ZBTB38: variants seen among roughly 807,000 people sequenced by gnomAD.
The protein encoded by ZBTB38 is zinc finger and BTB domain-containing protein 38.
A neutral mutation model predicts 76.8 loss-of-function variants in ZBTB38; 20 were observed. That is an observed-to-expected ratio of 0.26 (90% CI 0.18 to 0.38). The LOEUF (loss-of-function observed/expected upper bound fraction) is 0.38, where lower values mean the gene tolerates loss of function less well. Ranked by LOEUF, ZBTB38 falls within the 10% of genes least tolerant of loss-of-function variation. ZBTB38 has a pLI of 1.00. For missense variants in ZBTB38, 1,082 were observed against 1,482.3 expected (o/e 0.73, Z 4.43); for synonymous variants, 504 against 544.2 (o/e 0.93, Z 1.03).
chr3:141,393,195 C>A (rs1271253768), intron 4 of ZBTB38, among the ~76,000 whole-genome samples: 1 of 152,238 alleles, frequency 6.6e-6, no homozygotes, highest in Admixed American at 6.5e-5. Context: ...TAAAACAATC[C>A]TCTTCCTTAC....
At chr3:141,345,018 G>T (rs1943305950) in intron 1 of ZBTB38, among the ~76,000 whole-genome samples, 1 of 152,186 alleles carries the variant, frequency 6.6e-6, no homozygotes, top group African/African-American at 2.4e-5. Context: ...TTCCTGAGAG[G>T]GGAGGCAGGC....
At chr3:141,436,229 A>G (rs1228409799) in intron 5 of ZBTB38, among the ~76,000 whole-genome samples, 1 of 152,144 alleles carries the variant, frequency 6.6e-6, no homozygotes, top group Non-Finnish European at 1.5e-5. Flanking sequence ...TTTAAAGTCT[A>G]AATTTTCATC....
rs1953327037 is a variant in ZBTB38 at position 141,403,943 on chromosome 3, A to G, written c.-89A>G. 6.6e-6 allele frequency: 1 copy of G among 152,202 alleles called. No homozygotes were observed. The highest frequency in any genetic ancestry group is 2.1e-4 in the South Asian group (1 of 4,828). 9.4% of individuals were successfully genotyped at this position (152,202 alleles called of 1,614,324 possible). A position where few individuals can be genotyped will look rare whatever the true frequency, so the allele number is the denominator to read the frequency against. The stretch of plus-strand genomic sequence containing the variant: ...TCTTTTTAGATCTTGATGTGGAAGA[A>G]ATGGAGGACTCAGAACCAAGGATTT... On this transcript the variant is annotated 5_prime_UTR_variant, in exon 5 of 6. Coordinates refer to ENST00000321464, the MANE Select transcript of ZBTB38 (RefSeq NM_001376113.1).
intron 1 of ZBTB38, among the ~76,000 whole-genome samples, chr3:141,341,749 C>A (rs972345054): frequency 6.6e-6 from 1 of 152,168 alleles, no homozygotes; most frequent in African/African-American, 2.4e-5. Context: ...CAGTGAAAAC[C>A]AAGACACAGC....
At chr3:141,390,197 T>C (rs961714752) in intron 4 of ZBTB38, among the ~76,000 whole-genome samples, 7 of 152,238 alleles carry the variant, frequency 4.6e-5, no homozygotes, top group Non-Finnish European at 5.9e-5. Flanking sequence ...ACAATTATTA[T>C]TGAATTTCCA....
In ZBTB38 at chr3:141,447,993, T is replaced by C. The variant is rs2081221595; in HGVS notation, c.*2017T>C. On this transcript the variant is annotated 3_prime_UTR_variant, in exon 6 of 6. Transcript: ENST00000321464. ...CCTACACTATTCATTTGGGTTTTAT[T>C]AAAGAGATAGTCACAAAGGGCTTAC... 6.6e-6 allele frequency: 1 copy of C among 152,656 alleles called. No homozygotes were observed. Among genetic ancestry groups the C allele is most frequent in the Admixed American group, 6.5e-5 (1 of 15,278 alleles). The allele number at this position is 152,656 out of a possible 1,614,324, so 9.5% of individuals were successfully genotyped here.
At chr3:141,404,796 A>T (rs2114867) in intron 5 of ZBTB38, among the ~76,000 whole-genome samples, 38,691 of 151,992 alleles carry the variant, frequency 0.25, 8,486 homozygotes, top group African/African-American at 0.59. Flanking sequence ...ATGTATGAAG[A>T]CCCTTCTGTG....
chr3:141,406,810 A>G (rs1301470895), intron 5 of ZBTB38, among the ~76,000 whole-genome samples: 2 of 152,210 alleles, frequency 1.3e-5, no homozygotes, highest in Admixed American at 1.3e-4. Context: ...GGAGGGAGCC[A>G]GGCATGTCAG....
chr3:141,372,260 C>G (rs1164218943), intron 2 of ZBTB38, among the ~76,000 whole-genome samples: 1 of 152,190 alleles, frequency 6.6e-6, no homozygotes, highest in African/African-American at 2.4e-5. Flanking sequence ...TGCAAAAATA[C>G]TTCAGCCTCT....
intron 3 of ZBTB38, among the ~76,000 whole-genome samples, chr3:141,385,285 A>C (rs1401415687): frequency 6.6e-6 from 1 of 151,964 alleles, no homozygotes; most frequent in African/African-American, 2.4e-5. Context: ...TTATATATTC[A>C]AAATCAGTCT....
At chr3:141,337,772 G>T (rs1343302860) in intron 1 of ZBTB38, among the ~76,000 whole-genome samples, 1 of 152,152 alleles carries the variant, frequency 6.6e-6, no homozygotes, top group African/African-American at 2.4e-5. Flanking sequence ...CTTATCTCAA[G>T]TCCTCACAAC....
chr3:141,381,390 A>G (rs1348129521), intron 2 of ZBTB38, 35 bp from the exon 3 acceptor site: 1 of 152,268 alleles, frequency 6.6e-6, no homozygotes, highest in African/African-American at 2.4e-5. Context: ...CCTTTGTTAA[A>G]AAACACATGG....
Position 141,433,121 on chromosome 3 carries a change from G to T in ZBTB38, c.1-9268G>T, listed in dbSNP as rs192723130. ...AGTATGCATATCTGCATGACTGTGG[G>T]TGTGTCTATGTTTCTGTATTCCTTG... On this transcript the variant is annotated intron_variant, in intron 5 of 5. Transcript: ENST00000321464. 3.3e-4 allele frequency among the ~76,000 whole-genome samples: 50 copies of T among 152,300 alleles called. 1 individual carries two copies. The Middle Eastern group carries it at 0.01, about 31-fold the overall frequency.
chr3:141,373,660 C>G (rs1386002585), intron 2 of ZBTB38, among the ~76,000 whole-genome samples: 1 of 152,182 alleles, frequency 6.6e-6, no homozygotes, highest in East Asian at 1.9e-4. Context: ...GAAAATACCA[C>G]ACTTCAGGGT....
At position 141,445,355 on chromosome 3, in the gene ZBTB38, A is replaced by G. The variant is rs780687794; in HGVS notation, c.2967A>G (p.Gly989=). The G allele has an allele frequency of 1.2e-6, 2 of 1,614,114 alleles. No homozygotes were observed. Among genetic ancestry groups the G allele is most frequent in the Non-Finnish European group, 1.7e-6 (2 of 1,180,020 alleles). Residue 989 remains glycine (G), a synonymous_variant, in exon 6 of 6, where the codon GGA becomes GGG. Coordinates refer to ENST00000321464, the MANE Select transcript of ZBTB38 (RefSeq NM_001376113.1). This position sits in a 1 kb window ranked among gnomAD's most constrained non-coding sequence, Gnocchi z 6.5. ...AGCTGCAGTGTGAACTCTGTGATGG[A>G]GACAAAGCAGTGGGGGCTGGAAACC... ...MPKLQCELCD[G]DKAVGAGNQG...
intron 5 of ZBTB38, among the ~76,000 whole-genome samples, chr3:141,420,722 A>C (rs2075162987): frequency 6.6e-6 from 1 of 152,188 alleles, no homozygotes; most frequent in Admixed American, 6.5e-5. Flanking sequence ...TGTGGAGGTG[A>C]GCTAGAATAC....
chr3:141,331,808 A>T (rs1429139450), intron 1 of ZBTB38, among the ~76,000 whole-genome samples: 1 of 152,236 alleles, frequency 6.6e-6, no homozygotes, highest in Non-Finnish European at 1.5e-5. Context: ...TGCTTTCACC[A>T]GCCGATGAAC....
At chr3:141,425,671 G>T (rs1157172769) in intron 5 of ZBTB38, among the ~76,000 whole-genome samples, 2 of 152,262 alleles carry the variant, frequency 1.3e-5, no homozygotes, top group Non-Finnish European at 2.9e-5. Context: ...CATTTTGCCA[G>T]ATGTAAACTG....
chr3:141,369,616 C>G (rs1559923560), intron 1 of ZBTB38, among the ~76,000 whole-genome samples: 1 of 152,160 alleles, frequency 6.6e-6, no homozygotes, highest in Non-Finnish European at 1.5e-5. Flanking sequence ...AAGTCATCCC[C>G]TGAGTCAGCA....
Sources: gnomAD v4.1 joint callset for allele counts (sites outside exome capture counted in the v4.1 genomes callset) on GRCh38, gnomAD v4.1.1 for gene constraint, Gnocchi (gnomAD v3.1) non-coding constraint, MANE v1.5 for transcripts, NCBI Gene and HGNC (gene_info 2026-07-23, HGNC 2026-07-21) for gene names.